EIF2B3: variants seen among roughly 807,000 people sequenced by gnomAD.
EIF2B3 encodes the protein eukaryotic translation initiation factor 2B subunit gamma.
Under a neutral mutation model 54.1 loss-of-function variants are expected in EIF2B3, and 20 were observed. The observed-to-expected ratio is 0.37, with a 90% CI of 0.26 to 0.54. The LOEUF is 0.54. Among genes scored for constraint, EIF2B3 ranks in the 20% least tolerant of loss-of-function variants. The pLI is 0.86. For missense variants in EIF2B3, 448 were observed against 547.8 expected (o/e 0.82, Z 1.82); for synonymous variants, 153 against 188.1 (o/e 0.81, Z 1.52).
intron 5 of EIF2B3, among the ~76,000 whole-genome samples, chr1:44,900,371 C>T (rs1056422370): frequency 2.1e-5 from 3 of 140,464 alleles, no homozygotes; most frequent in Admixed American, 8.1e-5. Flanking sequence ...TGCTTGCACC[C>T]GGGAGGTAGA....
intron 3 of EIF2B3, among the ~76,000 whole-genome samples, chr1:44,953,815 A>T (rs1266885497): frequency 6.6e-6 from 1 of 152,198 alleles, no homozygotes; most frequent in Non-Finnish European, 1.5e-5. Flanking sequence ...TTAAAATAAC[A>T]ACAGCATTTA....
chr1:44,952,703 C>A (rs1371120356), intron 3 of EIF2B3, among the ~76,000 whole-genome samples: 1 of 151,886 alleles, frequency 6.6e-6, no homozygotes, highest in African/African-American at 2.4e-5. Context: ...CAGGCGCCCG[C>A]CACCACGCCC....
chr1:44,897,506 C>A, intron 5 of EIF2B3, 62 bp from the exon 6 acceptor site: 1 of 1,309,614 alleles, frequency 7.6e-7, no homozygotes, highest in South Asian at 1.3e-5. Context: ...AACATGGTCT[C>A]CATTCTATTA....
Position 44,941,616 on chromosome 1 carries a change from T to G in EIF2B3, c.344A>C (p.His115Pro), listed in dbSNP as rs1458764683. 4.3e-6 allele frequency: 7 copies of G among 1,614,118 alleles called. No individual in the cohort carries two copies. The highest frequency in any genetic ancestry group is 5.9e-6 in the Non-Finnish European group (7 of 1,180,014). ...AGCTCTAAACAGGTCCACAACCTCATGTAAGGCAACGTCTGTTATCAGATC... is the reference window on the plus strand; with the variant it reads ...AGCTCTAAACAGGTCCACAACCTCAGGTAAGGCAACGTCTGTTATCAGATC... ...SCDLITDVAL[H>P]EVVDLFRAYD... The change falls in exon 4 of 12, where the codon CAT becomes CCT. Residue 115 changes from histidine to proline, a missense_variant. His to Pro is a moderately conservative substitution (Grantham distance 77). This residue lies in a region of EIF2B3 where 350 missense variants were observed against 414.2 expected (regional missense o/e 0.85). Coordinates refer to ENST00000360403, the MANE Select transcript of EIF2B3 (RefSeq NM_020365.5).
chr1:44,944,900 A>ATT (rs933260360), intron 3 of EIF2B3, among the ~76,000 whole-genome samples: 2 of 147,150 alleles, frequency 1.4e-5, no homozygotes, highest in African/African-American at 5.0e-5. Context: ...GTCTACATGT[A>ATT]TTTTTTTTTT....
chr1:44,870,745 A>G (rs2148899331), intron 10 of EIF2B3, among the ~76,000 whole-genome samples: 1 of 151,392 alleles, frequency 6.6e-6, no homozygotes, highest in South Asian at 2.1e-4. Context: ...CTCTGCCTCC[A>G]GGGTTCAAGT....
intron 3 of EIF2B3, among the ~76,000 whole-genome samples, chr1:44,956,476 C>T (rs6682367): frequency 0.066 from 9,733 of 146,856 alleles, 1,067 homozygotes; most frequent in African/African-American, 0.23. Context: ...AACAAATCTG[C>T]AACTTAAAGT....
At chr1:44,906,106 TGGGTG>T (rs1231616099) in intron 5 of EIF2B3, among the ~76,000 whole-genome samples, 1 of 152,182 alleles carries the variant, frequency 6.6e-6, no homozygotes, top group Non-Finnish European at 1.5e-5. Flanking sequence ...CATACAACTC[TGGGTG>T]GGGAAAACTG....
rs574021415 is a variant in EIF2B3 at position 44,872,275 on chromosome 1, T to G, written c.1202+2403A>C. 2.6e-5 allele frequency among the ~76,000 whole-genome samples: 4 copies of G among 152,166 alleles called. No homozygotes were observed. In the East Asian group the frequency reaches 7.8e-4, roughly 30 times the overall value. On this transcript the variant is annotated intron_variant, in intron 10 of 11. Coordinates refer to ENST00000360403, the MANE Select transcript of EIF2B3 (RefSeq NM_020365.5). Reference sequence around the variant, plus strand: ...CTCAAACTCCTGGGCTCAAGTAATCTGCCCACCTCGACCTTCCAAAGTGCC... The same window carrying G: ...CTCAAACTCCTGGGCTCAAGTAATCGGCCCACCTCGACCTTCCAAAGTGCC...
chr1:44,881,601 C>G lies in EIF2B3; in HGVS notation c.784+11G>C. On this transcript the variant is annotated intron_variant, in intron 7 of 11. Coordinates refer to ENST00000360403, the MANE Select transcript of EIF2B3 (RefSeq NM_020365.5). This position sits in a 1 kb window ranked among gnomAD's most constrained non-coding sequence, Gnocchi z 4.0. ...CCTTGCCCCTCTTACTGAACCAACC[C>G]AAGAACTGACCTAAGGACTTCAGCT... 6.2e-7 allele frequency: 1 copy of G among 1,613,890 alleles called. No individual in the cohort carries two copies. Among genetic ancestry groups the G allele is most frequent in the Non-Finnish European group, 8.5e-7 (1 of 1,179,848 alleles).
intron 5 of EIF2B3, among the ~76,000 whole-genome samples, chr1:44,917,530 T>C: frequency 6.6e-6 from 1 of 151,722 alleles, no homozygotes; most frequent in Non-Finnish European, 1.5e-5. Flanking sequence ...CTTCAGATTT[T>C]ACTTGATTCA....
At chr1:44,932,735 T>TAAAAC (rs112856646) in intron 4 of EIF2B3, among the ~76,000 whole-genome samples, 70 of 151,746 alleles carry the variant, frequency 4.6e-4, no homozygotes, top group South Asian at 1.0e-3. Flanking sequence ...TAGAAGACAG[T>TAAAAC]AAAACAAAAC....
At chr1:44,964,315 T>C (rs111982537) in intron 3 of EIF2B3, among the ~76,000 whole-genome samples, 200 of 152,278 alleles carry the variant, frequency 1.3e-3, no homozygotes, top group African/African-American at 4.7e-3. Context: ...ATAAAGTCTT[T>C]AAGCAAGTTG....
In EIF2B3 at chr1:44,896,449, C is replaced by T. The variant is rs185623119; in HGVS notation, c.656+906G>A. On this transcript the variant is annotated intron_variant, in intron 6 of 11. Transcript: ENST00000360403. ...GCAATCCTCCTTCCTCTTAATATTC[C>T]GATATATATTCAAGTCCATCAGCCA... Among the ~76,000 whole-genome samples, 25 of 152,190 alleles carry T rather than the reference C, an allele frequency of 1.6e-4. No homozygotes were observed. The East Asian group carries it at 2.5e-3, about 15-fold the overall frequency.
chr1:44,962,769 T>C (rs1284951207), intron 3 of EIF2B3, among the ~76,000 whole-genome samples: 1 of 152,226 alleles, frequency 6.6e-6, no homozygotes, highest in East Asian at 1.9e-4. Context: ...TTATTTTAAA[T>C]GTTTACAAAT....
chr1:44,918,240 C>A (rs560443680), intron 5 of EIF2B3, among the ~76,000 whole-genome samples: 1 of 151,736 alleles, frequency 6.6e-6, no homozygotes, highest in African/African-American at 2.4e-5. Flanking sequence ...TCCACCACCA[C>A]GCTCAAATAA....
At chr1:44,901,465 C>A (rs1230712823) in intron 5 of EIF2B3, among the ~76,000 whole-genome samples, 1 of 150,980 alleles carries the variant, frequency 6.6e-6, no homozygotes, top group African/African-American at 2.4e-5. Context: ...TGCCCAGGCT[C>A]TTCTCAAACT....
intron 5 of EIF2B3, among the ~76,000 whole-genome samples, chr1:44,910,616 C>A (rs1285103120): frequency 1.4e-5 from 2 of 147,632 alleles, no homozygotes; most frequent in Non-Finnish European, 3.0e-5. Context: ...TCCCTCCCCA[C>A]CCCCCCAAGT....
At chr1:44,868,259 G>A (rs957093927) in intron 10 of EIF2B3, among the ~76,000 whole-genome samples, 4 of 151,770 alleles carry the variant, frequency 2.6e-5, no homozygotes, top group African/African-American at 4.8e-5. Flanking sequence ...TTAGCTGGGC[G>A]TGGTGGCGGG....
Sources: gnomAD v4.1 joint callset for allele counts (sites outside exome capture counted in the v4.1 genomes callset) on GRCh38, gnomAD v4.1.1 for gene constraint, gnomAD v4.1.1 regional missense constraint, Gnocchi (gnomAD v3.1) non-coding constraint, MANE v1.5 for transcripts, NCBI Gene and HGNC (gene_info 2026-07-23, HGNC 2026-07-21) for gene names.